UVRAG: variants seen among roughly 807,000 people sequenced by gnomAD.
UVRAG encodes the protein UV radiation resistance-associated gene protein.
Under a neutral mutation model 78.0 loss-of-function variants are expected in UVRAG, and 19 were observed. That is an observed-to-expected ratio of 0.24 (90% CI 0.17 to 0.36). The LOEUF (loss-of-function observed/expected upper bound fraction) is 0.36, where lower values mean the gene tolerates loss of function less well. Ranked by LOEUF, UVRAG falls within the 10% of genes least tolerant of loss-of-function variation. The pLI, the probability that UVRAG is intolerant of heterozygous loss-of-function variation, is 1.00. For synonymous variants in UVRAG, 323 were observed against 324.6 expected, an observed-to-expected ratio of 1.00 and a Z score of 0.05; for missense variants, 740 against 853.8, an observed-to-expected ratio of 0.87 and a Z score of 1.66.
At chr11:75,895,022 C>T (rs548097147) in intron 5 of UVRAG, among the ~76,000 whole-genome samples, 3 of 152,114 alleles carry the variant, frequency 2.0e-5, no homozygotes, top group South Asian at 2.1e-4. Context: ...TGAAGTATTT[C>T]GTTTAAAACT....
chr11:76,115,440 G>GA (rs1952160092), intron 13 of UVRAG, among the ~76,000 whole-genome samples: 1 of 152,184 alleles, frequency 6.6e-6, no homozygotes, highest in South Asian at 2.1e-4. Context: ...AGACACTATT[G>GA]GAGTCAGAGA....
intron 6 of UVRAG, among the ~76,000 whole-genome samples, chr11:75,934,696 A>G (rs1222120892): frequency 6.6e-6 from 1 of 152,158 alleles, no homozygotes; most frequent in Non-Finnish European, 1.5e-5. Context: ...AGTTACAAAA[A>G]AATCCACTGA....
chr11:75,993,031 C>T (rs868133707), intron 8 of UVRAG, among the ~76,000 whole-genome samples: 8 of 152,226 alleles, frequency 5.3e-5, no homozygotes, highest in African/African-American at 1.9e-4. Flanking sequence ...GATATAAAGT[C>T]AGTACTATAT....
At chr11:76,077,623 T>C (rs1951426653) in intron 13 of UVRAG, among the ~76,000 whole-genome samples, 1 of 152,240 alleles carries the variant, frequency 6.6e-6, no homozygotes, top group Non-Finnish European at 1.5e-5. Context: ...CTTAAAGTGT[T>C]GGTATTATTA....
chr11:76,076,802 GTATTTATTTATT>G (rs140240744), intron 13 of UVRAG, among the ~76,000 whole-genome samples: 1 of 147,556 alleles, frequency 6.8e-6, no homozygotes, highest in Non-Finnish European at 1.5e-5. Context: ...AAATTAGGTT[GTATTTATTTATT>G]TATTTATTTA....
intron 5 of UVRAG, among the ~76,000 whole-genome samples, chr11:75,892,687 A>G (rs1947240355): frequency 6.6e-6 from 1 of 152,130 alleles, no homozygotes; most frequent in African/African-American, 2.4e-5. Context: ...TGTTAATTGG[A>G]TAAGTTCAGC....
At chr11:75,829,039 G>A (rs1945597541) in intron 1 of UVRAG, among the ~76,000 whole-genome samples, 1 of 151,634 alleles carries the variant, frequency 6.6e-6, no homozygotes. Context: ...TATTAGATGA[G>A]GACACTGTAG....
intron 3 of UVRAG, among the ~76,000 whole-genome samples, chr11:75,867,252 A>G (rs991008787): frequency 6.6e-6 from 1 of 152,194 alleles, no homozygotes; most frequent in Non-Finnish European, 1.5e-5. Context: ...ATACACCCAT[A>G]TATCCAGCAT....
intron 12 of UVRAG, among the ~76,000 whole-genome samples, chr11:76,038,743 T>C (rs961226152): frequency 3.9e-5 from 6 of 152,202 alleles, no homozygotes; most frequent in African/African-American, 1.4e-4. Flanking sequence ...CAGATGCTCT[T>C]CTGCTAGCCC....
At chr11:75,875,715 T>A (rs1472052709) in intron 3 of UVRAG, among the ~76,000 whole-genome samples, 5 of 152,108 alleles carry the variant, frequency 3.3e-5, no homozygotes, top group Non-Finnish European at 7.4e-5. Context: ...ATGGCAACTT[T>A]CCCTACAGAC....
chr11:76,077,175 TAC>T (rs887545759), intron 13 of UVRAG, among the ~76,000 whole-genome samples: 24 of 148,860 alleles, frequency 1.6e-4, no homozygotes, highest in South Asian at 1.0e-3. Context: ...ATATTATATA[TAC>T]ACACACACAC....
chr11:75,855,550 T>C (rs1946269065), intron 2 of UVRAG, among the ~76,000 whole-genome samples: 1 of 152,212 alleles, frequency 6.6e-6, no homozygotes, highest in Non-Finnish European at 1.5e-5. Context: ...TAATTCTAGT[T>C]AGTGCTGTCG....
intron 1 of UVRAG, 47 bp downstream of exon 1, chr11:75,815,571 C>G (rs771263836): frequency 1.7e-6 from 2 of 1,156,746 alleles, no homozygotes; most frequent in Admixed American, 4.2e-5. Flanking sequence ...CGGGCAGGCC[C>G]GCGTGGAGAG....
intron 12 of UVRAG, among the ~76,000 whole-genome samples, chr11:76,029,531 G>A (rs991115513): frequency 6.6e-6 from 1 of 152,092 alleles, no homozygotes; most frequent in African/African-American, 2.4e-5. Context: ...ACAGAAGTTT[G>A]GAAGAAGTTG....
chr11:76,063,458 G>A (rs1297004258), intron 12 of UVRAG, among the ~76,000 whole-genome samples: 1 of 152,122 alleles, frequency 6.6e-6, no homozygotes, highest in African/African-American at 2.4e-5. Flanking sequence ...AGGCTCAGAT[G>A]GAATTCTGTC....
intron 5 of UVRAG, among the ~76,000 whole-genome samples, chr11:75,903,843 T>C (rs1458741397): frequency 6.6e-6 from 1 of 152,220 alleles, no homozygotes; most frequent in African/African-American, 2.4e-5. Flanking sequence ...TATAATGCTA[T>C]TTGCTTCCTA....
intron 2 of UVRAG, 71 bp from the exon 3 acceptor site, chr11:75,861,675 G>A: frequency 2.7e-6 from 3 of 1,102,002 alleles, no homozygotes; most frequent in Non-Finnish European, 4.0e-6. Context: ...AAAAAAATTA[G>A]AGGATTAACA....
chr11:75,839,913 C>A (rs1310789184), intron 1 of UVRAG, among the ~76,000 whole-genome samples: 1 of 151,400 alleles, frequency 6.6e-6, no homozygotes, highest in Non-Finnish European at 1.5e-5. Context: ...AATGAACTCC[C>A]AGGTACCTGT....
chr11:75,847,189 G>A (rs1027773985), intron 1 of UVRAG, among the ~76,000 whole-genome samples: 5 of 150,720 alleles, frequency 3.3e-5, no homozygotes, highest in South Asian at 2.1e-4. Context: ...GTGCAGTGGC[G>A]TGATCTCGGC....
Sources: gnomAD v4.1 joint callset for allele counts (sites outside exome capture counted in the v4.1 genomes callset) on GRCh38, gnomAD v4.1.1 for gene constraint, MANE v1.5 for transcripts, NCBI Gene and HGNC (gene_info 2026-07-23, HGNC 2026-07-21) for gene names.